The following CD226 variants were observed in gnomAD, a reference collection of about 807,000 sequenced individuals.
CD226 encodes the protein CD226 molecule, also known as CD226 antigen.
A neutral mutation model predicts 34.9 loss-of-function variants in CD226; 24 were observed. The ratio of observed to expected loss-of-function variants is 0.69; its 90% confidence interval spans 0.50 to 0.97. The LOEUF is 0.97. CD226 is among the 50% of genes least tolerant of loss of function. CD226 has a pLI of 0.00. For synonymous variants in CD226, 148 were observed against 147.4 expected (o/e 1.00, Z -0.03); for missense variants, 397 against 412.7 (o/e 0.96, Z 0.33).
intron 2 of CD226, among the ~76,000 whole-genome samples, chr18:69,922,606 A>G (rs1220449033): frequency 2.0e-5 from 3 of 152,206 alleles, no homozygotes; most frequent in Non-Finnish European, 2.9e-5. Flanking sequence ...CACTAAAAAC[A>G]GACTTCTGTA....
intron 2 of CD226, chr18:69,896,328 C>T (rs1985296669): frequency 5.4e-6 from 1 of 185,836 alleles, no homozygotes; most frequent in African/African-American, 2.4e-5. Context: ...ACTATAGGCG[C>T]CCGCCACCGC....
At chr18:69,951,143 A>T (rs184870321), upstream of CD226, among the ~76,000 whole-genome samples, 896 of 148,934 alleles carry the variant, frequency 6.0e-3, 8 homozygotes, top group African/African-American at 0.02. Context: ...TTTTAAAATT[A>T]TTTTTTTTTT....
Position 69,873,158 on chromosome 18 carries a change from G to T in CD226, c.816C>A (p.Val272=), listed in dbSNP as rs750510644. The change falls in exon 4 of 6, where the codon GTC becomes GTA. Residue 272 remains valine (V), a synonymous_variant. Transcript: ENST00000582621. ...LFVISITTII[V]IFLNRRRRRE... ...GCACTACTCACCTGTTAAGGAAAATGACAATGATGGTGGTAATTGAGATAA... is the reference window on the plus strand; with the variant it reads ...GCACTACTCACCTGTTAAGGAAAATTACAATGATGGTGGTAATTGAGATAA... 1.8e-5 allele frequency: 29 copies of T among 1,588,988 alleles called. No individual in the cohort carries two copies. The highest frequency in any genetic ancestry group is 6.7e-5 in the African/African-American group (5 of 74,352).
chr18:69,894,301 G>T (rs1175628615), intron 3 of CD226, among the ~76,000 whole-genome samples: 1 of 124,802 alleles, frequency 8.0e-6, no homozygotes, highest in Admixed American at 8.8e-5. Context: ...ACAATTTAAG[G>T]ATTCATTGTG....
chr18:69,961,106 T>C (rs2055927432), upstream of CD226, among the ~76,000 whole-genome samples: 1 of 152,214 alleles, frequency 6.6e-6, no homozygotes, highest in Non-Finnish European at 1.5e-5. Flanking sequence ...TAAGACTCAG[T>C]AGCTTTATTG....
chr18:69,864,458 G>T lies in CD226; in HGVS notation c.886-19C>A. ...TGGGTGCCTAGAAAGACAAACAGCA[G>T]AGAGTGTCAATAATTCACTGCATTT... On this transcript the variant is annotated intron_variant, in intron 5 of 5. Transcript: ENST00000582621. 6.2e-7 allele frequency: 1 copy of T among 1,610,672 alleles called. No homozygotes were observed. Among genetic ancestry groups the T allele is most frequent in the Non-Finnish European group, 8.5e-7 (1 of 1,178,352 alleles).
chr18:69,939,290 A>G (rs2055693967), intron 2 of CD226, among the ~76,000 whole-genome samples: 1 of 152,214 alleles, frequency 6.6e-6, no homozygotes, highest in Non-Finnish European at 1.5e-5. Context: ...CCACGTTTGT[A>G]TCTATAAATA....
intron 2 of CD226, among the ~76,000 whole-genome samples, chr18:69,904,446 G>C (rs2055226685): frequency 1.3e-5 from 2 of 152,216 alleles, no homozygotes; most frequent in Non-Finnish European, 2.9e-5. Flanking sequence ...CAGAGCCCAG[G>C]CTGCCTCCAG....
intron 2 of CD226, among the ~76,000 whole-genome samples, chr18:69,910,943 G>A (rs968421851): frequency 6.6e-6 from 1 of 152,178 alleles, no homozygotes; most frequent in Non-Finnish European, 1.5e-5. Flanking sequence ...AGGCAATGGA[G>A]TAAACACCAC....
At chr18:69,923,203 G>A (rs1218460205) in intron 2 of CD226, among the ~76,000 whole-genome samples, 2 of 149,298 alleles carry the variant, frequency 1.3e-5, no homozygotes, top group African/African-American at 4.9e-5. Context: ...AGGAAGGAAG[G>A]AAGGAAAGGG....
intron 2 of CD226, among the ~76,000 whole-genome samples, chr18:69,898,863 AACC>A (rs1985451043): frequency 6.6e-6 from 1 of 152,206 alleles, no homozygotes; most frequent in African/African-American, 2.4e-5. Flanking sequence ...CAAACAAGAG[AACC>A]GTGGGATCCT....
chr18:69,853,571 G>A lies in CD226; in HGVS notation c.*10743C>T, dbSNP rs1194573649. 1 of 152,152 alleles carries A rather than the reference G, an allele frequency of 6.6e-6. No homozygotes were observed. The highest frequency in any genetic ancestry group is 1.9e-4 in the East Asian group (1 of 5,198). 9.4% of individuals were successfully genotyped at this position (152,152 alleles called of 1,614,324 possible). A position where few individuals can be genotyped will look rare whatever the true frequency, so the allele number is the denominator to read the frequency against. ...AATTAATATTGAACACATATGATGA[G>A]TGAAACACCACCATGTGACTCATAT... On this transcript the variant is annotated 3_prime_UTR_variant, in exon 6 of 6. Coordinates refer to ENST00000582621, the MANE Select transcript of CD226 (RefSeq NM_001303618.2).
intron 2 of CD226, among the ~76,000 whole-genome samples, chr18:69,902,709 A>G (rs1488359252): frequency 6.6e-6 from 1 of 151,584 alleles, no homozygotes; most frequent in African/African-American, 2.4e-5. Context: ...GCTCAGTCAG[A>G]CCTCTCCCCA....
chr18:69,925,419 A>G (rs569784873), intron 2 of CD226, among the ~76,000 whole-genome samples: 2 of 152,364 alleles, frequency 1.3e-5, no homozygotes, highest in Admixed American at 6.5e-5. Context: ...GAGAAACAAA[A>G]GAAAAAACTC....
intron 2 of CD226, among the ~76,000 whole-genome samples, chr18:69,930,734 C>A (rs549367204): frequency 1.3e-5 from 2 of 152,152 alleles, no homozygotes; most frequent in Admixed American, 1.3e-4. Flanking sequence ...GAAAGAAAAT[C>A]CTTGAGTAGT....
intron 1 of CD226, among the ~76,000 whole-genome samples, chr18:69,956,198 T>C (rs1369523688): frequency 6.6e-6 from 1 of 152,244 alleles, no homozygotes; most frequent in African/African-American, 2.4e-5. Context: ...CCATGCTCAC[T>C]TGGTTACATA....
At chr18:69,884,224 A>C (rs1984429376) in intron 3 of CD226, among the ~76,000 whole-genome samples, 1 of 152,102 alleles carries the variant, frequency 6.6e-6, no homozygotes, top group African/African-American at 2.4e-5. Flanking sequence ...AAATGACCAC[A>C]TGGAGCCTTG....
chr18:69,942,954 A>G (rs567173113), intron 2 of CD226, among the ~76,000 whole-genome samples: 1 of 152,314 alleles, frequency 6.6e-6, no homozygotes, highest in East Asian at 1.9e-4. Context: ...TTCAAGGTCC[A>G]GCACGACTTT....
intron 3 of CD226, among the ~76,000 whole-genome samples, chr18:69,880,024 T>A (rs59855200): frequency 0.01 from 1,551 of 152,338 alleles, 22 homozygotes; most frequent in African/African-American, 0.034. Flanking sequence ...CACCACTATC[T>A]GGACAGTCGA....
Sources: gnomAD v4.1 joint callset for allele counts (sites outside exome capture counted in the v4.1 genomes callset) on GRCh38, gnomAD v4.1.1 for gene constraint, MANE v1.5 for transcripts, NCBI Gene and HGNC (gene_info 2026-07-23, HGNC 2026-07-21) for gene names.